The following FOXN2 variants were observed in gnomAD, a reference collection of about 807,000 sequenced individuals.
FOXN2 encodes forkhead box N2.
A neutral mutation model predicts 41.2 loss-of-function variants in FOXN2; 19 were observed. The observed-to-expected ratio is 0.46, with a 90% CI of 0.32 to 0.68. The LOEUF (loss-of-function observed/expected upper bound fraction) is 0.68. Among genes scored for constraint, FOXN2 ranks in the 30% least tolerant of loss-of-function variants. FOXN2 has a pLI of 0.03. For missense variants in FOXN2, 587 were observed against 509.4 expected (o/e 1.15, Z -1.47); for synonymous variants, 195 against 176.8 (o/e 1.10, Z -0.82).
intron 2 of FOXN2, among the ~76,000 whole-genome samples, chr2:48,332,302 C>T (rs901110009): frequency 6.6e-6 from 1 of 152,044 alleles, no homozygotes; most frequent in Non-Finnish European, 1.5e-5. Context: ...ATAATTTAGA[C>T]CTTTCTTGGC....
chr2:48,340,274 A>C (rs555701094), intron 2 of FOXN2, among the ~76,000 whole-genome samples: 1 of 152,324 alleles, frequency 6.6e-6, no homozygotes, highest in East Asian at 1.9e-4. Context: ...GGTAATGCTG[A>C]AAATTCTGTG....
chr2:48,334,514 C>T (rs1483669392), intron 2 of FOXN2, among the ~76,000 whole-genome samples: 1 of 152,206 alleles, frequency 6.6e-6, no homozygotes, highest in Admixed American at 6.5e-5. Context: ...AACCACGTAC[C>T]TGGATCAAGG....
intron 2 of FOXN2, among the ~76,000 whole-genome samples, chr2:48,331,183 T>C (rs768446503): frequency 2.0e-4 from 31 of 152,238 alleles, no homozygotes; most frequent in Non-Finnish European, 4.0e-4. Flanking sequence ...TGCTTTGGGC[T>C]ATCAAGAATT....
chr2:48,373,553 C>T (rs7573316), intron 6 of FOXN2, among the ~76,000 whole-genome samples, 193 bp downstream of exon 6: 50,331 of 151,458 alleles, frequency 0.33, 8,461 homozygotes, highest in East Asian at 0.46. Flanking sequence ...GTTAATGCTT[C>T]GATTTTTCTT....
At chr2:48,351,603 A>G (rs1671452656) in intron 3 of FOXN2, among the ~76,000 whole-genome samples, 1 of 152,134 alleles carries the variant, frequency 6.6e-6, no homozygotes, top group Non-Finnish European at 1.5e-5. Flanking sequence ...ATCAGGCATT[A>G]GATTCTCATA....
chr2:48,338,516 C>G (rs1009407355), intron 2 of FOXN2, among the ~76,000 whole-genome samples: 22 of 152,242 alleles, frequency 1.4e-4, no homozygotes, highest in African/African-American at 5.3e-4. Flanking sequence ...ATTCTCCTGC[C>G]TCAGCCTCCC....
chr2:48,330,850 G>GAGT (rs1377715618), intron 2 of FOXN2, among the ~76,000 whole-genome samples: 2 of 152,140 alleles, frequency 1.3e-5, no homozygotes, highest in Non-Finnish European at 2.9e-5. Flanking sequence ...TAGGAAGCTG[G>GAGT]AGTAGTAGGG....
At chr2:48,347,105 A>G (rs1671155024) in intron 3 of FOXN2, among the ~76,000 whole-genome samples, 1 of 151,644 alleles carries the variant, frequency 6.6e-6, no homozygotes. Context: ...AATTAATGAA[A>G]TTGATATGGT....
chr2:48,335,331 T>C (rs1309124498), intron 2 of FOXN2, among the ~76,000 whole-genome samples: 1 of 150,680 alleles, frequency 6.6e-6, no homozygotes, highest in African/African-American at 2.4e-5. Flanking sequence ...AAAGCAAATA[T>C]GCTGTTGAAA....
chr2:48,378,255 A>G lies in FOXN2; in HGVS notation c.*2812A>G, dbSNP rs939537312. On this transcript the variant is annotated 3_prime_UTR_variant, in exon 7 of 7. Coordinates refer to ENST00000340553, the MANE Select transcript of FOXN2 (RefSeq NM_002158.4). ...TTTTCCAAATTCAGAGAAAGAAAAC[A>G]GATTACCTGAATTCATGGAAAAGGT... 1 of 152,342 alleles carries G rather than the reference A, an allele frequency of 6.6e-6. No homozygotes were observed. The highest frequency in any genetic ancestry group is 1.5e-5 in the Non-Finnish European group (1 of 67,890). 9.4% of individuals were successfully genotyped at this position (152,342 alleles called of 1,614,324 possible).
At chr2:48,328,829 T>C (rs1669846380) in intron 2 of FOXN2, 127 bp downstream of exon 2, 1 of 152,206 alleles carries the variant, frequency 6.6e-6, no homozygotes, top group Non-Finnish European at 1.5e-5. Flanking sequence ...TTTAAGTAGA[T>C]GGGTTTTCTA....
intron 1 of FOXN2, among the ~76,000 whole-genome samples, chr2:48,323,804 C>T (rs968847153): frequency 5.3e-5 from 8 of 151,756 alleles, no homozygotes; most frequent in Non-Finnish European, 1.2e-4. Context: ...TTGTTCAGGC[C>T]AATGTTCAGA....
chr2:48,378,688 A>AT lies in FOXN2; in HGVS notation c.*3260dup, dbSNP rs535294267. 5.1e-3 allele frequency: 711 copies of AT among 138,484 alleles called. 6 individuals carry two copies. The highest frequency in any genetic ancestry group is 0.012 in the South Asian group (50 of 4,236). The allele number at this position is 138,484 out of a possible 1,614,324, so 8.6% of individuals were successfully genotyped here. A position where few individuals can be genotyped will look rare whatever the true frequency, so the allele number is the denominator to read the frequency against. On this transcript the variant is annotated 3_prime_UTR_variant, in exon 7 of 7. Coordinates refer to ENST00000340553, the MANE Select transcript of FOXN2 (RefSeq NM_002158.4). ...ATATATCTTACAGGTGTTTTTTTGT[A>AT]TTTTTTTTTTTTTTTAGTTTGAAAT...
chr2:48,352,222 A>G (rs1449810386), intron 3 of FOXN2, among the ~76,000 whole-genome samples: 1 of 152,202 alleles, frequency 6.6e-6, no homozygotes, highest in Non-Finnish European at 1.5e-5. Flanking sequence ...TACAGTTAGT[A>G]GTACCATGCA....
chr2:48,340,856 T>G (rs1400505639), intron 2 of FOXN2: 1 of 152,178 alleles, frequency 6.6e-6, no homozygotes, highest in African/African-American at 2.4e-5. Context: ...ATTCTCCTCG[T>G]GAATAATTTT....
intron 2 of FOXN2, among the ~76,000 whole-genome samples, chr2:48,342,027 A>G (rs1439846159): frequency 6.6e-6 from 1 of 152,226 alleles, no homozygotes; most frequent in Non-Finnish European, 1.5e-5. Context: ...GAAATACTAC[A>G]TCTAAAAATA....
At chr2:48,333,574 A>G (rs973790125) in intron 2 of FOXN2, among the ~76,000 whole-genome samples, 3 of 152,154 alleles carry the variant, frequency 2.0e-5, no homozygotes, top group African/African-American at 7.2e-5. Context: ...CATGTCCCTT[A>G]AGGTAAGCTC....
chr2:48,347,533 TTG>T lies in FOXN2; in HGVS notation c.537+808_537+809del, dbSNP rs113177559. ...TGAGCCACTGTGCCCAGCCGAGGTG[TTG>T]TGTGTGTGTGTGTGTGTGTGTGTGT... On this transcript the variant is annotated intron_variant, in intron 3 of 6. Transcript: ENST00000340553. 8.7e-3 allele frequency among the ~76,000 whole-genome samples: 1,285 copies of T among 147,752 alleles called. 5 individuals carry two copies. Among genetic ancestry groups the T allele is most frequent in the Non-Finnish European group, 8.5e-3 (566 of 66,550 alleles).
upstream of FOXN2, chr2:48,314,509 G>A (rs1668749456): frequency 1.3e-5 from 2 of 152,606 alleles, no homozygotes; most frequent in East Asian, 1.9e-4. Flanking sequence ...TCGGTAGGAG[G>A]TGGGCGGGAA....
Sources: allele counts gnomAD v4.1 joint callset (sites outside exome capture counted in the v4.1 genomes callset), GRCh38; gene constraint gnomAD v4.1.1; transcripts MANE v1.5; gene names NCBI Gene and HGNC (gene_info 2026-07-23, HGNC 2026-07-21).